EPHA6: variants seen among roughly 807,000 people sequenced by gnomAD.
EPHA6 encodes the protein ephrin type-A receptor 6.
Under a neutral mutation model 112.0 loss-of-function variants are expected in EPHA6, and 50 were observed. The ratio of observed to expected loss-of-function variants is 0.45; its 90% CI spans 0.36 to 0.56. The LOEUF is 0.56. Among genes scored for constraint, EPHA6 ranks in the 20% least tolerant of loss-of-function variants. The probability of loss-of-function intolerance (pLI) is 0.00; values close to 1 mark genes in which losing one functional copy is unlikely to be tolerated. For missense variants in EPHA6, 1,280 were observed against 1,417.4 expected, an observed-to-expected ratio of 0.90 and a Z score of 1.56; for synonymous variants, 529 against 490.7, an observed-to-expected ratio of 1.08 and a Z score of -1.03.
intron 2 of EPHA6, among the ~76,000 whole-genome samples, chr3:96,897,733 G>A (rs2038359553): frequency 6.6e-6 from 1 of 152,132 alleles, no homozygotes; most frequent in Non-Finnish European, 1.5e-5. Flanking sequence ...GCAATTTAGT[G>A]ACTTTATGTA....
chr3:97,745,010 G>T (rs911411577), intron 16 of EPHA6, among the ~76,000 whole-genome samples: 9 of 151,886 alleles, frequency 5.9e-5, no homozygotes, highest in Non-Finnish European at 1.0e-4. Context: ...GGATATCCTG[G>T]TCATTTTGAT....
chr3:97,477,192 C>A (rs1560049259), intron 8 of EPHA6, among the ~76,000 whole-genome samples: 1 of 152,052 alleles, frequency 6.6e-6, no homozygotes, highest in Non-Finnish European at 1.5e-5. Flanking sequence ...AATCTCTAAA[C>A]CAATTAACCA....
chr3:96,967,392 T>C (rs989761838), intron 2 of EPHA6, among the ~76,000 whole-genome samples: 2 of 151,652 alleles, frequency 1.3e-5, no homozygotes, highest in Admixed American at 1.3e-4. Flanking sequence ...TGAATACTTT[T>C]CCAAGTCATT....
At position 97,614,501 on chromosome 3, in the gene EPHA6, ATTTTTTTTTTTTT is replaced by A. The variant is rs35126699; in HGVS notation, c.2574+3660_2574+3672del. On this transcript the variant is annotated intron_variant, in intron 13 of 17. Coordinates refer to ENST00000389672, the MANE Select transcript of EPHA6 (RefSeq NM_001080448.3). Reference sequence around the variant, plus strand: ...AGGTGTGCACCACCACACCCAGCTAATTTTTTTTTTTTTTTTTTTTTTTTTGTATTTTAGAAGA... The same window carrying A: ...AGGTGTGCACCACCACACCCAGCTAATTTTTTTTTTTTGTATTTTAGAAGA... Among the ~76,000 whole-genome samples, 6 of 98,240 alleles carry A rather than the reference ATTTTTTTTTTTTT, an allele frequency of 6.1e-5. No homozygotes were observed. The South Asian group carries it at 1.6e-3, about 26-fold the overall frequency. 64.4% of individuals were successfully genotyped at this position (98,240 alleles called of 152,430 possible).
intron 7 of EPHA6, 26 bp from the exon 8 acceptor site, chr3:97,475,326 A>T (rs981703714): frequency 1.9e-6 from 3 of 1,552,982 alleles, no homozygotes; most frequent in South Asian, 1.1e-5. Flanking sequence ...ACCCAGGGAA[A>T]TTTTAATATT....
rs373416797 is a variant in EPHA6 at position 96,829,949 on chromosome 3, G to GCGCACACACACA, written c.385+14942_385+14943insGCACACACACAC. On this transcript the variant is annotated intron_variant, in intron 1 of 17. Transcript: ENST00000389672. ...CATGCACGTGCATGTGCGCGCGCGC[G>GCGCACACACACA]CACACACACACACACACACACACAC... 1.9e-4 allele frequency among the ~76,000 whole-genome samples: 26 copies of GCGCACACACACA among 136,070 alleles called. 1 individual carries two copies. The highest frequency in any genetic ancestry group is 9.3e-4 in the South Asian group (4 of 4,290). 89.3% of individuals were successfully genotyped at this position (136,070 alleles called of 152,430 possible). A position where few individuals can be genotyped will look rare whatever the true frequency, so the allele number is the denominator to read the frequency against.
At position 97,287,097 on chromosome 3, in the gene EPHA6, C is replaced by A. The variant is rs145588866; in HGVS notation, c.1606+42810C>A. Among the ~76,000 whole-genome samples the A allele has an allele frequency of 2.4e-3, 362 of 151,510 alleles. 1 individual carries two copies. The highest frequency in any genetic ancestry group is 8.3e-3 in the African/African-American group (342 of 41,338). ...TGATTTTTGTATGTTGATTTTATAT[C>A]CTGCAACTTTACTGAATTTATTTAT... is the stretch of plus-strand genomic sequence containing the variant. On this transcript the variant is annotated intron_variant, in intron 5 of 17. Transcript: ENST00000389672.
intron 13 of EPHA6, among the ~76,000 whole-genome samples, chr3:97,619,442 G>C (rs896429538): frequency 6.8e-6 from 1 of 147,560 alleles, no homozygotes; most frequent in Non-Finnish European, 1.5e-5. Flanking sequence ...AAGGGGGGGG[G>C]GGGCATCCAA....
At chr3:96,885,288 G>T (rs918434527) in intron 2 of EPHA6, among the ~76,000 whole-genome samples, 2 of 152,066 alleles carry the variant, frequency 1.3e-5, no homozygotes, top group African/African-American at 4.8e-5. Flanking sequence ...CAAAGATAGT[G>T]TCGAAAGGAT....
intron 3 of EPHA6, among the ~76,000 whole-genome samples, chr3:97,121,605 C>A (rs140492107): frequency 6.6e-6 from 1 of 152,140 alleles, no homozygotes; most frequent in Admixed American, 6.6e-5. Context: ...ATTGTTACCA[C>A]GTGATGGAGA....
chr3:97,457,329 A>G (rs1365520286), intron 7 of EPHA6, among the ~76,000 whole-genome samples: 1 of 152,168 alleles, frequency 6.6e-6, no homozygotes, highest in Non-Finnish European at 1.5e-5. Flanking sequence ...GCTGAGACGA[A>G]GTTGGCCTTT....
chr3:97,652,074 C>T lies in EPHA6; in HGVS notation c.2784+13992C>T, dbSNP rs192107371. ...CAATGCATACTCCATGTTTTGCTCC[C>T]ACTTAAAATAACATACCTGCTGACA... On this transcript the variant is annotated intron_variant, in intron 14 of 17. Transcript: ENST00000389672. 3.3e-5 allele frequency among the ~76,000 whole-genome samples: 5 copies of T among 152,096 alleles called. No individual in the cohort carries two copies. The East Asian group carries it at 9.7e-4, about 30-fold the overall frequency.
At chr3:97,127,714 C>CAAA (rs1343245083) in intron 3 of EPHA6, among the ~76,000 whole-genome samples, 1 of 93,874 alleles carries the variant, frequency 1.1e-5, no homozygotes. Context: ...GACCCTGTCT[C>CAAA]AAAAAAAAAA....
At chr3:97,690,220 A>C (rs567670980) in intron 14 of EPHA6, among the ~76,000 whole-genome samples, 14 of 152,180 alleles carry the variant, frequency 9.2e-5, no homozygotes, top group Non-Finnish European at 1.8e-4. Context: ...AAAGCTGCTA[A>C]ATTGTTTTCC....
chr3:97,284,185 A>G (rs1440030061), intron 5 of EPHA6, among the ~76,000 whole-genome samples: 3 of 152,094 alleles, frequency 2.0e-5, no homozygotes, highest in African/African-American at 4.8e-5. Context: ...TCATAAACCT[A>G]TTTTGCATAA....
At chr3:96,830,221 A>G (rs2033972773) in intron 1 of EPHA6, among the ~76,000 whole-genome samples, 1 of 152,128 alleles carries the variant, frequency 6.6e-6, no homozygotes, top group Non-Finnish European at 1.5e-5. Flanking sequence ...ATTTAGGTTC[A>G]AAACAAATGG....
chr3:97,446,111 C>T (rs2090336906), intron 6 of EPHA6, among the ~76,000 whole-genome samples: 1 of 152,134 alleles, frequency 6.6e-6, no homozygotes, highest in African/African-American at 2.4e-5. Context: ...CGATAGTGTC[C>T]TACCTATGCA....
At chr3:96,967,076 G>T (rs4361291) in intron 2 of EPHA6, among the ~76,000 whole-genome samples, 2,221 of 151,540 alleles carry the variant, frequency 0.015, 65 homozygotes, top group African/African-American at 0.051. Flanking sequence ...TCATGAAGAA[G>T]AAAGAAAATT....
At chr3:97,104,993 C>A (rs2047521173) in intron 3 of EPHA6, among the ~76,000 whole-genome samples, 1 of 151,904 alleles carries the variant, frequency 6.6e-6, no homozygotes, top group Non-Finnish European at 1.5e-5. Context: ...TTAACATCCC[C>A]TTTGCCATTT....
Sources: allele counts gnomAD v4.1 joint callset (sites outside exome capture counted in the v4.1 genomes callset), GRCh38; gene constraint gnomAD v4.1.1; transcripts MANE v1.5; gene names NCBI Gene and HGNC (gene_info 2026-07-23, HGNC 2026-07-21).